DENND2A: variants seen among roughly 807,000 people sequenced by gnomAD.
DENND2A encodes the protein DENN domain containing 2A, also known as DENN domain-containing protein 2A.
In DENND2A, 53 loss-of-function variants were observed where a neutral mutation model predicts 105.3. That is an observed-to-expected ratio of 0.50 (90% CI 0.40 to 0.63). DENND2A has a LOEUF of 0.63. DENND2A is among the 30% of genes least tolerant of loss of function. The probability of loss-of-function intolerance (pLI) is 0.00; values close to 1 mark genes in which losing one functional copy is unlikely to be tolerated. For missense variants in DENND2A, 1,138 were observed against 1,279.6 expected (o/e 0.89, Z 1.69); for synonymous variants, 522 against 508.4 (o/e 1.03, Z -0.36).
intron 3 of DENND2A, among the ~76,000 whole-genome samples, chr7:140,598,773 A>T (rs1799377474): frequency 6.6e-6 from 1 of 152,178 alleles, no homozygotes; most frequent in African/African-American, 2.4e-5. Flanking sequence ...TAATTACAAA[A>T]ACCCCCACAT....
rs573006048 is a variant in DENND2A at position 140,544,694 on chromosome 7, T to C, written c.2251A>G (p.Ser751Gly). ...AACACACAGACCAGGTGGCGGACGC[T>C]GAGGGAGGAGAAGAGAGACTCAAAG... ...VDFESLFSSL[S>G]VRHLVCVFAS... The change falls in exon 14 of 20, where the codon AGC becomes GGC. Residue 751 changes from serine (S) to glycine (G), a missense_variant. Physicochemically the swap from Ser to Gly is moderately conservative, Grantham distance 56. This residue lies in a region of DENND2A where 627 missense variants were observed against 779.8 expected (regional missense o/e 0.80). Coordinates refer to ENST00000496613, the MANE Select transcript of DENND2A (RefSeq NM_015689.5). The C allele has an allele frequency of 4.3e-6, 7 of 1,613,458 alleles. No homozygotes were observed. In the Admixed American group the frequency reaches 1.2e-4, roughly 27 times the overall value.
chr7:140,564,530 A>T (rs1481046111), intron 9 of DENND2A, among the ~76,000 whole-genome samples: 1 of 152,218 alleles, frequency 6.6e-6, no homozygotes, highest in Non-Finnish European at 1.5e-5. Flanking sequence ...TTGTAAGAAC[A>T]TTACACCATT....
At chr7:140,563,435 C>T (rs1355746606) in intron 9 of DENND2A, among the ~76,000 whole-genome samples, 1 of 152,064 alleles carries the variant, frequency 6.6e-6, no homozygotes, top group Non-Finnish European at 1.5e-5. Flanking sequence ...TCTCCCTGAA[C>T]TGTCAAAGAT....
intron 4 of DENND2A, among the ~76,000 whole-genome samples, chr7:140,586,366 A>AAAAC (rs71522104): frequency 1.9e-4 from 26 of 139,534 alleles, no homozygotes; most frequent in African/African-American, 5.9e-4. Context: ...TAAAAAAGAA[A>AAAAC]ACACACACAC....
rs1452601536 is a variant in DENND2A at position 140,544,182 on chromosome 7, G to A, written c.2327+436C>T. 6 of 259,316 alleles carry A rather than the reference G, an allele frequency of 2.3e-5. No homozygotes were observed. In the East Asian group the frequency reaches 2.6e-4, roughly 11 times the overall value. The allele number at this position is 259,316 out of a possible 1,614,324, so 16.1% of individuals were successfully genotyped here. ...GCTAGGATTACAGGCATGAGCCACC[G>A]TGCCTGGCCATCCTTTATTTGTGGG... On this transcript the variant is annotated intron_variant, in intron 14 of 19. Transcript: ENST00000496613.
chr7:140,625,734 T>C (rs1800498684), intron 1 of DENND2A, among the ~76,000 whole-genome samples: 1 of 152,044 alleles, frequency 6.6e-6, no homozygotes, highest in Admixed American at 6.6e-5. Flanking sequence ...CAAAAAACAT[T>C]AGCCATGGGC....
At chr7:140,564,754 T>C (rs1797768702) in intron 9 of DENND2A, among the ~76,000 whole-genome samples, 1 of 152,220 alleles carries the variant, frequency 6.6e-6, no homozygotes, top group Admixed American at 6.5e-5. Flanking sequence ...AACTAACTCA[T>C]GAATTAATGC....
At chr7:140,610,513 T>C in intron 1 of DENND2A, among the ~76,000 whole-genome samples, 1 of 152,096 alleles carries the variant, frequency 6.6e-6, no homozygotes, top group South Asian at 2.1e-4. Context: ...TGCTCCAGAC[T>C]GACATTGCTA....
intron 12 of DENND2A, among the ~76,000 whole-genome samples, chr7:140,548,205 G>A (rs961433171): frequency 2.0e-5 from 3 of 151,620 alleles, no homozygotes; most frequent in African/African-American, 7.3e-5. Flanking sequence ...GACTACAGGC[G>A]CTTGCCACTG....
chr7:140,613,556 C>T (rs905175991), intron 1 of DENND2A, among the ~76,000 whole-genome samples: 1 of 146,034 alleles, frequency 6.8e-6, no homozygotes, highest in Non-Finnish European at 1.5e-5. Flanking sequence ...AAAAAAAAAG[C>T]TACTGCACTC....
intron 19 of DENND2A, among the ~76,000 whole-genome samples, chr7:140,519,188 T>C (rs908343270): frequency 2.6e-5 from 4 of 152,166 alleles, no homozygotes; most frequent in African/African-American, 7.2e-5. Context: ...TCCGTCCTCT[T>C]TTTTGGCTGT....
chr7:140,599,322 T>C (rs1039919925), intron 3 of DENND2A, among the ~76,000 whole-genome samples: 1 of 151,650 alleles, frequency 6.6e-6, no homozygotes, highest in African/African-American at 2.4e-5. Context: ...TGGGCGATAC[T>C]CTGTCTCGAA....
chr7:140,527,412 G>T lies in DENND2A; in HGVS notation c.2411C>A (p.Pro804His), dbSNP rs767651224. 1 of 1,602,912 alleles carries T rather than the reference G, an allele frequency of 6.2e-7. No individual in the cohort carries two copies. Among genetic ancestry groups the T allele is most frequent in the South Asian group, 1.1e-5 (1 of 89,276 alleles). ...CGAGCACACGATGTCGACCATGGCG[G>T]GTGGCAGCACCGGGATGTAGGTGTG... ...WQHTYIPVLP[P>H]AMVDIVCSPT... Residue 804 changes from proline (P) to histidine (H), a missense_variant, in exon 15 of 20, where the codon CCC (proline) becomes CAC (histidine). Physicochemically the swap from Pro to His is moderately conservative, Grantham distance 77. Transcript: ENST00000496613. The surrounding 1 kb of genome is among the most constrained non-coding windows in gnomAD (Gnocchi z 4.9).
At chr7:140,604,995 C>T (rs565491155) in intron 2 of DENND2A, among the ~76,000 whole-genome samples, 1 of 152,128 alleles carries the variant, frequency 6.6e-6, no homozygotes, top group Non-Finnish European at 1.5e-5. Flanking sequence ...TCTAAGAGCC[C>T]AAACACATGG....
chr7:140,534,201 C>T (rs1273980369), intron 14 of DENND2A, among the ~76,000 whole-genome samples: 2 of 150,992 alleles, frequency 1.3e-5, no homozygotes, highest in African/African-American at 4.9e-5. Flanking sequence ...TCTCCTGCCT[C>T]AGCCTCCCGA....
intron 12 of DENND2A, among the ~76,000 whole-genome samples, chr7:140,548,637 G>C (rs1014920796): frequency 1.3e-5 from 2 of 151,414 alleles, no homozygotes; most frequent in African/African-American, 4.9e-5. Flanking sequence ...TTTTGAGACA[G>C]AGTTTCGCTC....
In DENND2A at chr7:140,601,387, C is replaced by T; in HGVS notation, c.995+16G>A. On this transcript the variant is annotated intron_variant, in intron 3 of 19. Transcript: ENST00000496613. ...AGTCAGGTGGCGACACTCTGCCTGG[C>T]CACACCGGCACCTACCTGTGGTCTG... 6.4e-7 allele frequency: 1 copy of T among 1,555,878 alleles called. No individual in the cohort carries two copies. Among genetic ancestry groups the T allele is most frequent in the Non-Finnish European group, 8.7e-7 (1 of 1,150,634 alleles).
intron 11 of DENND2A, 75 bp downstream of exon 11, chr7:140,558,068 A>C (rs914637188): frequency 7.9e-7 from 1 of 1,265,826 alleles, no homozygotes; most frequent in Non-Finnish European, 1.1e-6. Context: ...CGGGACTGGG[A>C]AGCCAGACCT....
chr7:140,541,939 A>G (rs1796677072), intron 14 of DENND2A, among the ~76,000 whole-genome samples: 1 of 152,190 alleles, frequency 6.6e-6, no homozygotes. Context: ...CTCCTGAGGA[A>G]TTCCACATCT....
Sources: allele counts gnomAD v4.1 joint callset (sites outside exome capture counted in the v4.1 genomes callset), GRCh38; gene constraint gnomAD v4.1.1; regional missense constraint gnomAD v4.1.1; non-coding constraint Gnocchi (gnomAD v3.1); transcripts MANE v1.5; gene names NCBI Gene and HGNC (gene_info 2026-07-23, HGNC 2026-07-21).